The following UNC5C variants were observed in gnomAD, a reference collection of about 807,000 sequenced individuals.
The protein encoded by UNC5C is unc-5 netrin receptor C, also known as netrin receptor UNC5C.
In UNC5C, 47 loss-of-function variants were observed where a neutral mutation model predicts 99.8. The ratio of observed to expected loss-of-function variants is 0.47; its 90% CI spans 0.37 to 0.60. The LOEUF (loss-of-function observed/expected upper bound fraction) is 0.60. Ranked by LOEUF, UNC5C falls within the 20% of genes least tolerant of loss-of-function variation. UNC5C has a pLI of 0.00. For missense variants in UNC5C, 1,062 were observed against 1,165.9 expected (o/e 0.91, Z 1.30); for synonymous variants, 487 against 452.2 (o/e 1.08, Z -0.98).
At chr4:95,224,186 G>A (rs1738584060) in intron 7 of UNC5C, among the ~76,000 whole-genome samples, 1 of 152,210 alleles carries the variant, frequency 6.6e-6, no homozygotes, top group Non-Finnish European at 1.5e-5. Flanking sequence ...AGGAGGCTGA[G>A]GTGGGAGCAT....
intron 1 of UNC5C, among the ~76,000 whole-genome samples, chr4:95,543,841 A>G (rs1722987676): frequency 6.6e-6 from 1 of 152,146 alleles, no homozygotes; most frequent in Non-Finnish European, 1.5e-5. Flanking sequence ...AGAGAACAGA[A>G]GGGAAGAAAA....
At chr4:95,334,519 G>C (rs572967920) in intron 2 of UNC5C, among the ~76,000 whole-genome samples, 1 of 151,912 alleles carries the variant, frequency 6.6e-6, no homozygotes, top group African/African-American at 2.4e-5. Context: ...AGTTCAAAGA[G>C]TTATTCTGTC....
intron 1 of UNC5C, among the ~76,000 whole-genome samples, chr4:95,356,194 A>AAAAT: frequency 1.9e-5 from 1 of 51,790 alleles, no homozygotes; most frequent in Admixed American, 2.8e-4. Context: ...ACCCTGTAGC[A>AAAAT]AAAAAAAAAA....
intron 1 of UNC5C, among the ~76,000 whole-genome samples, chr4:95,488,985 T>C (rs1407200027): frequency 1.3e-5 from 2 of 151,334 alleles, no homozygotes; most frequent in Admixed American, 6.6e-5. Context: ...TATGTTAAAT[T>C]GTGTTATGCA....
intron 15 of UNC5C, 93 bp downstream of exon 15, chr4:95,170,060 GA>G (rs1044783630): frequency 1.5e-4 from 215 of 1,436,824 alleles, no homozygotes; most frequent in South Asian, 2.9e-4. Context: ...TGTGTGGATG[GA>G]AAAAAAAATG....
At chr4:95,516,569 A>G (rs1722226344) in intron 1 of UNC5C, among the ~76,000 whole-genome samples, 1 of 152,124 alleles carries the variant, frequency 6.6e-6, no homozygotes. Context: ...AGTGTGTGTA[A>G]ATGCCAGTGG....
chr4:95,451,904 G>A (rs181325481), intron 1 of UNC5C, among the ~76,000 whole-genome samples: 17 of 152,108 alleles, frequency 1.1e-4, no homozygotes, highest in African/African-American at 2.7e-4. Flanking sequence ...CAAAATTTCC[G>A]TTTCCAAAAT....
intron 1 of UNC5C, among the ~76,000 whole-genome samples, chr4:95,434,731 A>C (rs1459118878): frequency 6.6e-6 from 1 of 152,032 alleles, no homozygotes; most frequent in Non-Finnish European, 1.5e-5. Flanking sequence ...TGACTATATT[A>C]TCTTTCTCCG....
chr4:95,339,583 T>C (rs2149423037), intron 1 of UNC5C, among the ~76,000 whole-genome samples: 1 of 152,218 alleles, frequency 6.6e-6, no homozygotes, highest in East Asian at 1.9e-4. Flanking sequence ...ACCACTTTAT[T>C]TTTTAATATA....
At chr4:95,402,248 A>G (rs1360913667) in intron 1 of UNC5C, among the ~76,000 whole-genome samples, 1 of 152,078 alleles carries the variant, frequency 6.6e-6, no homozygotes, top group East Asian at 1.9e-4. Context: ...CTAATTTTTA[A>G]ATGGCTGCTA....
intron 3 of UNC5C, among the ~76,000 whole-genome samples, chr4:95,291,672 C>T (rs1741459435): frequency 6.6e-6 from 1 of 152,130 alleles, no homozygotes; most frequent in African/African-American, 2.4e-5. Flanking sequence ...CTGACACAAT[C>T]AGGTATACAT....
At chr4:95,500,373 G>T (rs1349199056) in intron 1 of UNC5C, among the ~76,000 whole-genome samples, 1 of 151,842 alleles carries the variant, frequency 6.6e-6, no homozygotes, top group Admixed American at 6.6e-5. Context: ...TCAATATGAT[G>T]GCCCTTGTGC....
intron 1 of UNC5C, among the ~76,000 whole-genome samples, chr4:95,436,461 A>G (rs1173655708): frequency 6.6e-6 from 1 of 152,038 alleles, no homozygotes; most frequent in East Asian, 1.9e-4. Flanking sequence ...TCCAAATATT[A>G]CACTGTGAGC....
chr4:95,527,671 A>G (rs1450581570), intron 1 of UNC5C, among the ~76,000 whole-genome samples: 1 of 152,148 alleles, frequency 6.6e-6, no homozygotes, highest in Non-Finnish European at 1.5e-5. Context: ...TTATGGACAT[A>G]TAATTTCCAT....
intron 2 of UNC5C, among the ~76,000 whole-genome samples, chr4:95,329,701 T>G (rs531102958): frequency 6.6e-6 from 1 of 152,254 alleles, no homozygotes; most frequent in Non-Finnish European, 1.5e-5. Flanking sequence ...TATGTATTTA[T>G]AAAATTAGCC....
chr4:95,464,356 T>G (rs1747705796), intron 1 of UNC5C, among the ~76,000 whole-genome samples: 1 of 152,192 alleles, frequency 6.6e-6, no homozygotes, highest in Admixed American at 6.6e-5. Flanking sequence ...CTACTGCTGT[T>G]TTTGCCATCT....
chr4:95,489,495 A>G (rs1721422388), intron 1 of UNC5C, among the ~76,000 whole-genome samples: 1 of 151,738 alleles, frequency 6.6e-6, no homozygotes, highest in Non-Finnish European at 1.5e-5. Context: ...GTAGAAAGTC[A>G]CTGACCTACT....
chr4:95,269,718 T>C (rs1235191641), intron 4 of UNC5C, among the ~76,000 whole-genome samples: 1 of 152,046 alleles, frequency 6.6e-6, no homozygotes, highest in Non-Finnish European at 1.5e-5. Context: ...ACAATTTTTT[T>C]TTTTTTTAAA....
intron 1 of UNC5C, among the ~76,000 whole-genome samples, chr4:95,387,263 C>G (rs1745238046): frequency 6.6e-6 from 1 of 152,072 alleles, no homozygotes; most frequent in Admixed American, 6.6e-5. Context: ...CTCAGCCTCT[C>G]AAGTAGCTGG....
Sources: allele counts gnomAD v4.1 joint callset (sites outside exome capture counted in the v4.1 genomes callset), GRCh38; gene constraint gnomAD v4.1.1; transcripts MANE v1.5; gene names NCBI Gene and HGNC (gene_info 2026-07-23, HGNC 2026-07-21).